CDH18: variants seen among roughly 807,000 people sequenced by gnomAD.
CDH18 encodes cadherin 18.
Under a neutral mutation model 67.9 loss-of-function variants are expected in CDH18, and 31 were observed. The ratio of observed to expected loss-of-function variants is 0.46; its 90% confidence interval spans 0.34 to 0.62. The LOEUF is 0.62. Among genes scored for constraint, CDH18 ranks in the 20% least tolerant of loss-of-function variants. The pLI is 0.01. For synonymous variants in CDH18, 362 were observed against 347.2 expected (o/e 1.04, Z -0.48); for missense variants, 890 against 975.5 (o/e 0.91, Z 1.17).
At chr5:20,556,456 T>C (rs895592208) in intron 1 of CDH18, among the ~76,000 whole-genome samples, 5 of 152,120 alleles carry the variant, frequency 3.3e-5, no homozygotes, top group Admixed American at 2.0e-4. Flanking sequence ...CCCGGCCAAA[T>C]ACTCACTCTT....
chr5:20,307,391 A>G lies in CDH18; in HGVS notation c.-579-51886T>C, dbSNP rs1048977167. ...CCTATGGAGTAGTTAGGGGAAGACA[A>G]TAGATTTACCTTAGATATTTTGTCA... On this transcript the variant is annotated intron_variant, in intron 1 of 14. Transcript: ENST00000507958. Among the ~76,000 whole-genome samples the G allele has an allele frequency of 3.9e-5, 6 of 152,288 alleles. No homozygotes were observed. The East Asian group carries it at 7.7e-4, about 20-fold the overall frequency.
At chr5:20,111,300 T>C (rs1747436246) in intron 2 of CDH18, among the ~76,000 whole-genome samples, 1 of 152,142 alleles carries the variant, frequency 6.6e-6, no homozygotes, top group South Asian at 2.1e-4. Flanking sequence ...ACGCATTTTG[T>C]ATGAAGAAAG....
chr5:19,755,427 G>GTATACATATATATATATATATA (rs1373982305), intron 3 of CDH18, among the ~76,000 whole-genome samples: 1 of 44,658 alleles, frequency 2.2e-5, no homozygotes, highest in African/African-American at 6.4e-5. Flanking sequence ...AACTAACAGG[G>GTATACATATATATATATATATA]TATGTATATA....
At chr5:19,515,026 A>G (rs1025639908) in intron 10 of CDH18, among the ~76,000 whole-genome samples, 2 of 152,186 alleles carry the variant, frequency 1.3e-5, no homozygotes, top group African/African-American at 4.8e-5. Flanking sequence ...TATCTGTATA[A>G]GGTGTAAGGA....
intron 2 of CDH18, among the ~76,000 whole-genome samples, chr5:20,197,467 A>G (rs1346997850): frequency 4.6e-5 from 7 of 152,236 alleles, no homozygotes; most frequent in African/African-American, 1.7e-4. Flanking sequence ...TTTAAGTGTT[A>G]TACGAATGCA....
intron 2 of CDH18, among the ~76,000 whole-genome samples, chr5:19,869,245 T>A (rs1012574824): frequency 3.3e-5 from 5 of 152,126 alleles, no homozygotes. Context: ...TTAATCATCA[T>A]GCCTGTTTTC....
intron 5 of CDH18, among the ~76,000 whole-genome samples, chr5:19,661,040 C>T (rs1047484883): frequency 1.3e-5 from 2 of 151,278 alleles, no homozygotes; most frequent in Non-Finnish European, 2.9e-5. Context: ...AACCAACCAA[C>T]CAATCAAAGA....
At chr5:19,858,199 CT>C (rs142655107) in intron 2 of CDH18, among the ~76,000 whole-genome samples, 46,038 of 151,912 alleles carry the variant, frequency 0.3, 7,924 homozygotes, top group South Asian at 0.39. Context: ...CTTCCAGGTC[CT>C]AAGCAGATTT....
chr5:20,236,370 GA>G (rs1742475475), intron 2 of CDH18, among the ~76,000 whole-genome samples: 1 of 151,368 alleles, frequency 6.6e-6, no homozygotes, highest in Non-Finnish European at 1.5e-5. Context: ...AGTAATGAAA[GA>G]AAAAAATCCA....
intron 1 of CDH18, among the ~76,000 whole-genome samples, chr5:20,508,476 TAAGTA>T (rs967850158): frequency 2.0e-5 from 3 of 151,098 alleles, no homozygotes; most frequent in African/African-American, 7.2e-5. Context: ...CAAGTATAAT[TAAGTA>T]GAGTTTATTT....
At chr5:19,623,617 A>G (rs1751040983) in intron 5 of CDH18, among the ~76,000 whole-genome samples, 1 of 152,010 alleles carries the variant, frequency 6.6e-6, no homozygotes, top group African/African-American at 2.4e-5. Context: ...GATGGTTTAA[A>G]TGAGTTCAAA....
At chr5:19,488,791 C>T (rs1376804766) in intron 11 of CDH18, among the ~76,000 whole-genome samples, 1 of 152,212 alleles carries the variant, frequency 6.6e-6, no homozygotes, top group Non-Finnish European at 1.5e-5. Flanking sequence ...TCTTGTAACA[C>T]TTCAGCAGCA....
intron 2 of CDH18, among the ~76,000 whole-genome samples, chr5:20,069,520 C>A (rs1182746531): frequency 1.3e-5 from 2 of 152,018 alleles, no homozygotes; most frequent in African/African-American, 4.8e-5. Flanking sequence ...TCAAGCGAGT[C>A]TCCTGCCTCA....
At chr5:19,592,311 T>C (rs1745281379) in intron 6 of CDH18, among the ~76,000 whole-genome samples, 1 of 152,192 alleles carries the variant, frequency 6.6e-6, no homozygotes, top group African/African-American at 2.4e-5. Context: ...TGATATTAAA[T>C]GTCGAATGGA....
intron 2 of CDH18, among the ~76,000 whole-genome samples, chr5:19,944,155 G>A (rs57598264): frequency 0.11 from 16,237 of 151,810 alleles, 2,485 homozygotes; most frequent in African/African-American, 0.34. Flanking sequence ...ATGATTGTTC[G>A]TTTCCCACTA....
intron 1 of CDH18, among the ~76,000 whole-genome samples, chr5:20,448,625 A>T (rs1182211421): frequency 1.3e-5 from 2 of 151,916 alleles, no homozygotes; most frequent in Non-Finnish European, 2.9e-5. Flanking sequence ...ATACTCAAAA[A>T]TTTTCTCACT....
chr5:19,933,356 T>C, intron 2 of CDH18, among the ~76,000 whole-genome samples: 1 of 151,474 alleles, frequency 6.6e-6, no homozygotes, highest in East Asian at 1.9e-4. Flanking sequence ...TTAAGTTCCA[T>C]TTCACTTATA....
rs1232729002 is a variant in CDH18 at position 19,605,361 on chromosome 5, TATC to T, written c.811+7070_811+7072del. ...TTTTCAATTATCTTTATAAACTAAA[TATC>T]ATGATGTAAGATAAAAATATTGTGT... On this transcript the variant is annotated intron_variant, in intron 6 of 12. Transcript: ENST00000382275. Among the ~76,000 whole-genome samples the T allele has an allele frequency of 1.5e-4, 23 of 152,016 alleles. 1 individual carries two copies. The highest frequency in any genetic ancestry group is 1.0e-3 in the South Asian group (5 of 4,828).
chr5:19,551,774 G>A (rs1050649370), intron 8 of CDH18, among the ~76,000 whole-genome samples: 3 of 152,046 alleles, frequency 2.0e-5, no homozygotes, highest in African/African-American at 4.8e-5. Context: ...TATGAATAGG[G>A]TTACTACTGA....
Sources: gnomAD v4.1 joint callset for allele counts (sites outside exome capture counted in the v4.1 genomes callset) on GRCh38, gnomAD v4.1.1 for gene constraint, MANE v1.5 for transcripts, NCBI Gene and HGNC (gene_info 2026-07-23, HGNC 2026-07-21) for gene names.